Variants in UBXN6 observed in about 807,000 individuals in gnomAD.
The protein encoded by UBXN6 is UBX domain-containing protein 6.
In UBXN6, 44 loss-of-function variants were observed where a neutral mutation model predicts 51.4. The observed-to-expected ratio is 0.86, with a 90% CI of 0.67 to 1.10. The LOEUF is 1.10. Ranked by LOEUF, UBXN6 falls within the 50% of genes least tolerant of loss-of-function variation. UBXN6 has a pLI of 0.00. For synonymous variants in UBXN6, 316 were observed against 263.2 expected, an observed-to-expected ratio of 1.20 and a Z score of -1.94; for missense variants, 672 against 596.1, an observed-to-expected ratio of 1.13 and a Z score of -1.32.
chr19:4,453,815 A>G (rs910820381), intron 2 of UBXN6, 115 bp downstream of exon 2: 93 of 1,460,116 alleles, frequency 6.4e-5, no homozygotes, highest in Non-Finnish European at 7.8e-5. Flanking sequence ...GCCGCTCCCA[A>G]GGGTGACCCT....
intron 6 of UBXN6, 117 bp from the exon 7 acceptor site, chr19:4,447,037 G>A: frequency 9.6e-7 from 1 of 1,036,496 alleles, no homozygotes; most frequent in Non-Finnish European, 1.4e-6. Context: ...ACCCCTGGAT[G>A]GGGCCCAGCC....
chr19:4,453,212 A>G (rs1490606541), intron 3 of UBXN6, among the ~76,000 whole-genome samples: 21 of 152,182 alleles, frequency 1.4e-4, no homozygotes, highest in Admixed American at 1.4e-3. Flanking sequence ...TAAGGGGTTA[A>G]GGGGAGGGAG....
chr19:4,448,314 T>G lies in UBXN6; in HGVS notation c.539+4A>C, dbSNP rs770615062. 4 of 1,602,084 alleles carry G rather than the reference T, an allele frequency of 2.5e-6. No homozygotes were observed. The highest frequency in any genetic ancestry group is 3.4e-6 in the Non-Finnish European group (4 of 1,175,622). On this transcript the variant is annotated splice_donor_region_variant and intron_variant, in intron 5 of 10. Transcript: ENST00000301281. ...CAGGCAGGGCAAAGGGGCCACACGC[T>G]CACTTGGCAATGGTGTCCACACCCA...
In UBXN6 at chr19:4,454,112, A is replaced by G. The variant is rs1974703823; in HGVS notation, c.84-19T>C. 6.6e-7 allele frequency: 1 copy of G among 1,512,358 alleles called. No individual in the cohort carries two copies. Among genetic ancestry groups the G allele is most frequent in the Non-Finnish European group, 8.8e-7 (1 of 1,135,816 alleles). 93.7% of individuals were successfully genotyped at this position (1,512,358 alleles called of 1,614,324 possible). ...CTTTTCCCTGGGAACAGACCGAGGG[A>G]GAGTGAGTGTATCCTCCCGAGGTGG... On this transcript the variant is annotated intron_variant, in intron 1 of 10. Coordinates refer to ENST00000301281, the MANE Select transcript of UBXN6 (RefSeq NM_025241.3).
intron 7 of UBXN6, 39 bp from the exon 8 acceptor site, chr19:4,446,758 AGAGACCCCCAAGCCGGGCCCTCCTGCCCC>A (rs1568188970): frequency 6.2e-7 from 1 of 1,611,546 alleles, no homozygotes; most frequent in Non-Finnish European, 8.5e-7. Flanking sequence ...TGTGCAATGG[AGAGACCCCCAAGCCGGGCCCTCCTGCCCC>A]GAGGCCCCTC....
At chr19:4,457,129 A>G (rs932435129) in intron 1 of UBXN6, among the ~76,000 whole-genome samples, 2 of 151,858 alleles carry the variant, frequency 1.3e-5, no homozygotes, top group Non-Finnish European at 2.9e-5. Flanking sequence ...ATGGTCACCT[A>G]GATTGCCCCA....
At chr19:4,447,180 G>C in intron 6 of UBXN6, 1 of 588,976 alleles carries the variant, frequency 1.7e-6, no homozygotes, top group Non-Finnish European at 3.0e-6. Context: ...GACACTGCTG[G>C]GGCCTGATGC....
chr19:4,450,782 A>C (rs1485163249), intron 4 of UBXN6: 2 of 150,980 alleles, frequency 1.3e-5, no homozygotes, highest in African/African-American at 4.9e-5. Flanking sequence ...AAAAAAAAAA[A>C]AAAAGAGTGC....
rs141123683 is a variant in UBXN6 at position 4,453,938 on chromosome 19, C to T, written c.239G>A (p.Arg80Gln). ...GGAGGGCCATATCTCACCCTGGTTTCGGATGGTGTCCTGCGATGTGGGGCC... is the reference window on the plus strand; with the variant it reads ...GGAGGGCCATATCTCACCCTGGTTTTGGATGGTGTCCTGCGATGTGGGGCC... The part of the protein sequence containing the change: ...AWGPTSQDTI[R>Q]NQVRKELQAE... The change falls in exon 2 of 11, where the codon CGA becomes CAA. Residue 80 changes from arginine (R) to glutamine (Q), a missense_variant. Arg to Gln is a conservative substitution (Grantham distance 43, BLOSUM62 1). Transcript: ENST00000301281. 2.6e-5 allele frequency: 42 copies of T among 1,609,974 alleles called. No homozygotes were observed. In the East Asian group the frequency reaches 4.9e-4, roughly 19 times the overall value.
intron 10 of UBXN6, 183 bp from the exon 11 acceptor site, chr19:4,445,806 CCTA>C: frequency 9.0e-7 from 1 of 1,112,538 alleles, no homozygotes; most frequent in Non-Finnish European, 1.2e-6. Flanking sequence ...TAAGCCTAAA[CCTA>C]CTGCACTAGC....
At chr19:4,446,811 A>G (rs752239845) in intron 7 of UBXN6, 25 bp downstream of exon 7, 1 of 1,613,664 alleles carries the variant, frequency 6.2e-7, no homozygotes, top group South Asian at 1.1e-5. Flanking sequence ...CCCATTCCCT[A>G]CTCAGCCAGG....
intron 5 of UBXN6, chr19:4,448,057 C>A (rs1727840113): frequency 5.4e-6 from 3 of 559,950 alleles, no homozygotes; most frequent in Non-Finnish European, 6.4e-6. Context: ...CCTGCCTCCT[C>A]CACATGTTCC....
chr19:4,455,759 T>C (rs909232858), intron 1 of UBXN6, among the ~76,000 whole-genome samples: 20 of 151,742 alleles, frequency 1.3e-4, no homozygotes, highest in Admixed American at 1.2e-3. Context: ...GGGAGGAGGA[T>C]GGGGGTCTGG....
intron 1 of UBXN6, chr19:4,455,318 C>T (rs1974725773): frequency 2.0e-6 from 2 of 985,380 alleles, no homozygotes; most frequent in African/African-American, 3.5e-5. Context: ...GCTTACATAC[C>T]CGGGCAGCCC....
At chr19:4,456,051 C>G (rs1232170084) in intron 1 of UBXN6, among the ~76,000 whole-genome samples, 1 of 152,054 alleles carries the variant, frequency 6.6e-6, no homozygotes, top group African/African-American at 2.4e-5. Flanking sequence ...CCACCCACCC[C>G]ACACACCCTG....
chr19:4,454,186 A>G (rs1484379391), intron 1 of UBXN6, 93 bp from the exon 2 acceptor site: 4 of 1,350,122 alleles, frequency 3.0e-6, no homozygotes, highest in Non-Finnish European at 4.0e-6. Context: ...GCCCCTCCCC[A>G]GCACCATCAG....
intron 3 of UBXN6, among the ~76,000 whole-genome samples, chr19:4,453,024 C>T (rs1328360386): frequency 1.3e-5 from 2 of 152,218 alleles, no homozygotes. Flanking sequence ...TCCACAGAGC[C>T]TCTTGACCTC....
intron 3 of UBXN6, 150 bp from the exon 4 acceptor site, chr19:4,452,642 G>C (rs1974674513): frequency 1.8e-6 from 2 of 1,139,566 alleles, no homozygotes; most frequent in Non-Finnish European, 2.4e-6. Context: ...GAGACACCCT[G>C]GCCAAGTGAC....
rs1476931076 is a variant in UBXN6 at position 4,448,354 on chromosome 19, T to C, written c.503A>G (p.Gln168Arg). 3.7e-6 allele frequency: 6 copies of C among 1,610,316 alleles called. No individual in the cohort carries two copies. The highest frequency in any genetic ancestry group is 5.1e-6 in the Non-Finnish European group (6 of 1,178,748). ...IMKIYTFNKD[Q>R]DRVKLGVDTI... is the part of the protein sequence containing the mutation. ...GTCCACACCCAGCTTCACCCGGTCC[T>C]GGTCTTTGTTGAACGTGTAGATCTT... The change falls in exon 5 of 11, where the codon CAG becomes CGG. Residue 168 changes from glutamine (Q) to arginine (R), a missense_variant. Gln to Arg is a conservative substitution (Grantham distance 43). Transcript: ENST00000301281.
Sources: gnomAD v4.1 joint callset for allele counts (sites outside exome capture counted in the v4.1 genomes callset) on GRCh38, gnomAD v4.1.1 for gene constraint, MANE v1.5 for transcripts, NCBI Gene and HGNC (gene_info 2026-07-23, HGNC 2026-07-21) for gene names.